Variants in STK32B observed in about 807,000 individuals in gnomAD.
STK32B encodes serine/threonine-protein kinase 32B.
In STK32B, 43 loss-of-function variants were observed where a neutral mutation model predicts 52.6. The ratio of observed to expected loss-of-function variants is 0.82; its 90% CI spans 0.64 to 1.05. STK32B has a LOEUF of 1.05. Among genes scored for constraint, STK32B ranks in the 50% least tolerant of loss-of-function variants. The pLI is 0.00. For synonymous variants in STK32B, 238 were observed against 204.3 expected (o/e 1.17, Z -1.41); for missense variants, 621 against 534.6 (o/e 1.16, Z -1.59).
chr4:5,396,352 C>CT lies in STK32B; in HGVS notation c.435-1852dup, dbSNP rs1035017069. Among the ~76,000 whole-genome samples the CT allele has an allele frequency of 1.3e-5, 2 of 152,192 alleles. No homozygotes were observed. The highest frequency in any genetic ancestry group is 6.5e-5 in the Admixed American group (1 of 15,280). ...GCCTGCATCCAAATCCCTCCCCCTA[C>CT]TTTCCTCCTATAAAGACATGAGTCT... is the stretch of plus-strand genomic sequence containing the variant. On this transcript the variant is annotated intron_variant, in intron 4 of 11. Coordinates refer to ENST00000282908, the MANE Select transcript of STK32B (RefSeq NM_018401.3). This position sits in a 1 kb window ranked among gnomAD's most constrained non-coding sequence, Gnocchi z 4.7.
chr4:5,325,249 C>T (rs996279073), intron 3 of STK32B, among the ~76,000 whole-genome samples: 49 of 152,078 alleles, frequency 3.2e-4, no homozygotes, highest in African/African-American at 1.2e-3. Context: ...TACAGAACAC[C>T]ATCTTCATAA....
In STK32B at chr4:5,160,239, C is replaced by A. The variant is rs1718331763; in HGVS notation, c.109-8060C>A. 2.0e-5 allele frequency among the ~76,000 whole-genome samples: 3 copies of A among 152,158 alleles called. No homozygotes were observed. In the South Asian group the frequency reaches 6.2e-4, roughly 32 times the overall value. On this transcript the variant is annotated intron_variant, in intron 2 of 11. Transcript: ENST00000282908. ...GCACATCTCCACAATGTCCTGTGCC[C>A]TTCAGAAGAGAGATGGATGCTGATC...
chr4:5,271,161 T>C (rs1037975905), intron 3 of STK32B, among the ~76,000 whole-genome samples: 15 of 152,148 alleles, frequency 9.9e-5, no homozygotes, highest in African/African-American at 3.4e-4. Flanking sequence ...TGGTCTCAAA[T>C]TCCTGACCTC....
chr4:5,361,021 C>G (rs1734512229), intron 4 of STK32B, among the ~76,000 whole-genome samples: 1 of 152,188 alleles, frequency 6.6e-6, no homozygotes, highest in African/African-American at 2.4e-5. Context: ...TCTACTCTGT[C>G]TCTATGATTT....
rs561376002 is a variant in STK32B, at chr4:5,233,466, G to C, written c.260+65016G>C. 8.7e-4 allele frequency among the ~76,000 whole-genome samples: 133 copies of C among 152,210 alleles called. 1 individual carries two copies. The highest frequency in any genetic ancestry group is 2.1e-3 in the Admixed American group (32 of 15,280). ...CTGATATACTGGAATATAGCAGAGT[G>C]CTTAAAGGACTGGCAGTATCAATGA... is the stretch of plus-strand genomic sequence containing the variant. On this transcript the variant is annotated intron_variant, in intron 3 of 11. Transcript: ENST00000282908.
intron 3 of STK32B, among the ~76,000 whole-genome samples, chr4:5,327,865 A>C (rs1366624936): frequency 2.0e-5 from 3 of 152,324 alleles, no homozygotes; most frequent in African/African-American, 7.2e-5. Context: ...TCTACTTCCA[A>C]TATAAAGCTA....
chr4:5,441,987 G>A (rs1410110460), intron 6 of STK32B, among the ~76,000 whole-genome samples: 12 of 121,238 alleles, frequency 9.9e-5, no homozygotes, highest in East Asian at 2.6e-4. Flanking sequence ...TATAATTTCT[G>A]TTCTTTTACA....
intron 4 of STK32B, among the ~76,000 whole-genome samples, chr4:5,345,816 C>T (rs1411498490): frequency 6.6e-6 from 1 of 152,246 alleles, no homozygotes; most frequent in Non-Finnish European, 1.5e-5. Flanking sequence ...GGAAACGTCA[C>T]ATGGATGACT....
chr4:5,121,059 A>C (rs1452469107), intron 1 of STK32B, among the ~76,000 whole-genome samples: 1 of 152,064 alleles, frequency 6.6e-6, no homozygotes, highest in East Asian at 1.9e-4. Context: ...CTAGTCATTT[A>C]CCCAATATCT....
intron 3 of STK32B, among the ~76,000 whole-genome samples, chr4:5,327,044 G>C (rs1405024838): frequency 1.3e-5 from 2 of 152,078 alleles, no homozygotes; most frequent in South Asian, 2.1e-4. Flanking sequence ...ATCTCAAGAA[G>C]CTCGTTTCTT....
chr4:5,042,966 C>A, the STK32B span, among the ~76,000 whole-genome samples: 1 of 151,600 alleles, frequency 6.6e-6, no homozygotes, highest in Non-Finnish European at 1.5e-5. Flanking sequence ...ATTAGCCGGG[C>A]GCGGTGGCGG....
intron 8 of STK32B, 77 bp downstream of exon 8, chr4:5,457,000 G>T: frequency 9.4e-7 from 1 of 1,067,942 alleles, no homozygotes; most frequent in African/African-American, 1.6e-5. Context: ...CAAACGAAGG[G>T]GTGAGAATAC....
At chr4:5,055,263 A>ATT (rs36123548) in intron 1 of STK32B, among the ~76,000 whole-genome samples, 8 of 139,986 alleles carry the variant, frequency 5.7e-5, no homozygotes, top group Admixed American at 1.4e-4. Flanking sequence ...CTAATTTTTA[A>ATT]TTTTTTTTTT....
intron 3 of STK32B, among the ~76,000 whole-genome samples, chr4:5,318,156 TG>T (rs1731240984): frequency 6.6e-6 from 1 of 152,016 alleles, no homozygotes; most frequent in Non-Finnish European, 1.5e-5. Context: ...TGTGTGTGAT[TG>T]GGGGAAAGGG....
At position 5,403,382 on chromosome 4, in the gene STK32B, A is replaced by C. The variant is rs146724112; in HGVS notation, c.472+5138A>C. Among the ~76,000 whole-genome samples, 427 of 152,112 alleles carry C rather than the reference A, an allele frequency of 2.8e-3. 1 individual carries two copies. Among genetic ancestry groups the C allele is most frequent in the African/African-American group, 9.5e-3 (395 of 41,492 alleles). ...TAAGTCTGCTAACCTTGCCTCACCC[A>C]TTCCTTCCCATGGAAACCACAATAA... is the stretch of plus-strand genomic sequence containing the variant. On this transcript the variant is annotated intron_variant, in intron 5 of 11. Transcript: ENST00000282908.
chr4:5,089,756 C>T (rs1216134961), intron 1 of STK32B, among the ~76,000 whole-genome samples: 2 of 152,070 alleles, frequency 1.3e-5, no homozygotes, highest in Admixed American at 1.3e-4. Flanking sequence ...ATTTTTGGTT[C>T]CAGATCCCTA....
chr4:5,129,974 C>G (rs1368901725), intron 1 of STK32B, among the ~76,000 whole-genome samples: 1 of 152,132 alleles, frequency 6.6e-6, no homozygotes, highest in Non-Finnish European at 1.5e-5. Flanking sequence ...ACAGGCAAAA[C>G]TCAGTCCTCA....
chr4:5,158,303 G>A (rs571704303), intron 2 of STK32B, among the ~76,000 whole-genome samples: 6 of 152,192 alleles, frequency 3.9e-5, no homozygotes, highest in South Asian at 2.1e-4. Flanking sequence ...GTGGCACAGC[G>A]CGGGTCCTGG....
At chr4:5,443,381 T>A (rs1331840576) in intron 6 of STK32B, among the ~76,000 whole-genome samples, 1 of 152,136 alleles carries the variant, frequency 6.6e-6, no homozygotes. Context: ...ATACCCTTTT[T>A]CCAGTTGATC....
Sources: allele counts gnomAD v4.1 joint callset (sites outside exome capture counted in the v4.1 genomes callset), GRCh38; gene constraint gnomAD v4.1.1; non-coding constraint Gnocchi (gnomAD v3.1); transcripts MANE v1.5; gene names NCBI Gene and HGNC (gene_info 2026-07-23, HGNC 2026-07-21).